The following ADCY5 variants were observed in gnomAD, a reference collection of about 807,000 sequenced individuals.
ADCY5 encodes the protein adenylate cyclase type 5.
In ADCY5, 30 loss-of-function variants were observed where a neutral mutation model predicts 119.7. The observed-to-expected ratio is 0.25, with a 90% CI of 0.19 to 0.34. The LOEUF (loss-of-function observed/expected upper bound fraction) is 0.34, where lower values mean the gene tolerates loss of function less well. ADCY5 is among the 10% of genes least tolerant of loss of function. The pLI, the probability that ADCY5 is intolerant of heterozygous loss-of-function variation, is 1.00. For missense variants in ADCY5, 1,324 were observed against 1,775.2 expected, an observed-to-expected ratio of 0.75 and a Z score of 4.57; for synonymous variants, 753 against 762.2, an observed-to-expected ratio of 0.99 and a Z score of 0.20.
intron 3 of ADCY5, among the ~76,000 whole-genome samples, chr3:123,345,769 G>GACACACAGACACACACACAC (rs1553731376): frequency 0.036 from 4,069 of 113,520 alleles, 165 homozygotes; most frequent in Admixed American, 0.071. Flanking sequence ...CAGACAGACA[G>GACACACAGACACACACACAC]ACACACACAC....
intron 2 of ADCY5, 133 bp from the exon 3 acceptor site, chr3:123,348,036 A>AGAGTGTGTGTGTGTGTGTGT (rs1553732238): frequency 2.3e-6 from 1 of 428,724 alleles, no homozygotes; most frequent in South Asian, 2.5e-5. Flanking sequence ...CTGGGTTAAC[A>AGAGTGTGTGTGTGTGTGTGT]GTGTGTGTGT....
chr3:123,344,722 A>C (rs1703811836), intron 3 of ADCY5, among the ~76,000 whole-genome samples: 1 of 152,066 alleles, frequency 6.6e-6, no homozygotes, highest in Non-Finnish European at 1.5e-5. Flanking sequence ...CTACTTAACC[A>C]CCAACCCAAG....
At chr3:123,313,620 C>A (rs1940710452) in intron 12 of ADCY5, among the ~76,000 whole-genome samples, 1 of 152,154 alleles carries the variant, frequency 6.6e-6, no homozygotes. Flanking sequence ...TGACCCAGAG[C>A]CAGGTCGCAT....
At chr3:123,326,144 G>C (rs1301843880) in intron 7 of ADCY5, among the ~76,000 whole-genome samples, 1 of 152,238 alleles carries the variant, frequency 6.6e-6, no homozygotes, top group Non-Finnish European at 1.5e-5. Flanking sequence ...CTACAACAGA[G>C]AGGGCACTAG....
intron 1 of ADCY5, among the ~76,000 whole-genome samples, chr3:123,354,351 A>G (rs1170656153): frequency 1.3e-5 from 2 of 152,216 alleles, no homozygotes; most frequent in Non-Finnish European, 1.5e-5. Context: ...CAGAAGCCCA[A>G]AGCATGAGGG....
intron 20 of ADCY5, among the ~76,000 whole-genome samples, chr3:123,285,220 T>C (rs1239434366): frequency 1.3e-5 from 2 of 152,212 alleles, no homozygotes; most frequent in Non-Finnish European, 2.9e-5. Flanking sequence ...CCTTTGCTTA[T>C]CTCACTGCAT....
chr3:123,294,872 G>A (rs1040523420), intron 17 of ADCY5, among the ~76,000 whole-genome samples: 1 of 152,200 alleles, frequency 6.6e-6, no homozygotes, highest in African/African-American at 2.4e-5. Context: ...TATGGCGGTG[G>A]GTGATAGAGC....
intron 1 of ADCY5, among the ~76,000 whole-genome samples, chr3:123,406,094 C>T (rs992181780): frequency 1.3e-5 from 2 of 152,204 alleles, no homozygotes; most frequent in African/African-American, 4.8e-5. Flanking sequence ...AGGCCATACT[C>T]CCAACCACCT....
intron 1 of ADCY5, among the ~76,000 whole-genome samples, chr3:123,395,312 C>G (rs1250013391): frequency 6.6e-6 from 1 of 152,214 alleles, no homozygotes; most frequent in African/African-American, 2.4e-5. Flanking sequence ...TCTACCTCCT[C>G]TCCCCTAAAC....
chr3:123,430,504 G>A (rs1003146746), intron 1 of ADCY5, among the ~76,000 whole-genome samples: 7 of 152,230 alleles, frequency 4.6e-5, no homozygotes, highest in Non-Finnish European at 8.8e-5. Flanking sequence ...CCCCACAGGC[G>A]TCAGGTGGGA....
Position 123,439,076 on chromosome 3 carries a change from C to CTTTTTTT in ADCY5, c.1134+8329_1134+8335dup, listed in dbSNP as rs57503913. ...CCCACTGTGCCCAGACCCTAAAGTG[C>CTTTTTTT]TTTTTTTTTTGAGATGGAGTCTCGC... On this transcript the variant is annotated intron_variant, in intron 1 of 20. Transcript: ENST00000462833. 6.2e-5 allele frequency among the ~76,000 whole-genome samples: 4 copies of CTTTTTTT among 64,728 alleles called. 1 individual carries two copies. Among genetic ancestry groups the CTTTTTTT allele is most frequent in the African/African-American group, 1.9e-4 (3 of 15,410 alleles). 42.5% of individuals were successfully genotyped at this position (64,728 alleles called of 152,430 possible).
intron 1 of ADCY5, chr3:123,419,219 ACAGT>A: frequency 1.0e-6 from 1 of 985,358 alleles, no homozygotes; most frequent in Non-Finnish European, 1.2e-6. Context: ...TGACGAGCAC[ACAGT>A]CAGGTGGCAC....
Position 123,328,775 on chromosome 3 carries a change from G to A in ADCY5, c.1674C>T (p.Asn558=), listed in dbSNP as rs142787772. 2.3e-4 allele frequency: 369 copies of A among 1,614,218 alleles called. 2 individuals carry two copies. The East Asian group carries it at 7.4e-3, about 32-fold the overall frequency. The change falls in exon 6 of 21, where the codon AAC becomes AAT. Residue 558 remains asparagine (N), a synonymous_variant. Coordinates refer to ENST00000462833, the MANE Select transcript of ADCY5 (RefSeq NM_183357.3). ...ISLVREVTGV[N]VNMRVGIHSG... ...TGTGAATTCCCACACGCATGTTCAC[G>A]TTCACCCCTGTCACCTCCCGGACCA... is the stretch of plus-strand genomic sequence containing the variant.
chr3:123,426,371 T>A (rs1409125382), intron 1 of ADCY5, among the ~76,000 whole-genome samples: 1 of 151,076 alleles, frequency 6.6e-6, no homozygotes, highest in East Asian at 1.9e-4. Context: ...TCACCCAGGC[T>A]GGAGTGCAGT....
chr3:123,376,887 T>C (rs2107546741), intron 1 of ADCY5, among the ~76,000 whole-genome samples: 1 of 152,344 alleles, frequency 6.6e-6, no homozygotes, highest in East Asian at 1.9e-4. Flanking sequence ...TTCCAAGAAC[T>C]AGGTTTTGTA....
intron 1 of ADCY5, among the ~76,000 whole-genome samples, chr3:123,403,108 G>A (rs531270263): frequency 6.6e-5 from 10 of 152,188 alleles, no homozygotes; most frequent in East Asian, 1.9e-4. Flanking sequence ...GGCCAGACAC[G>A]GTGGCTCACG....
intron 2 of ADCY5, among the ~76,000 whole-genome samples, chr3:123,351,392 G>C (rs1942831460): frequency 6.6e-6 from 1 of 152,306 alleles, no homozygotes; most frequent in African/African-American, 2.4e-5. Flanking sequence ...TGCCATCTTG[G>C]CCATTTCTCC....
rs564012198 is a variant in ADCY5, at chr3:123,291,909, C to T, written c.3064-533G>A. On this transcript the variant is annotated intron_variant, in intron 17 of 20. Transcript: ENST00000462833. ...TCTGTCTCCCAGGAGGGCAGACTTG[C>T]CCCAGAGCCAGATGCAGCCAGGAGG... 2.0e-5 allele frequency among the ~76,000 whole-genome samples: 3 copies of T among 152,306 alleles called. No individual in the cohort carries two copies. The South Asian group carries it at 6.2e-4, about 32-fold the overall frequency.
intron 20 of ADCY5, among the ~76,000 whole-genome samples, chr3:123,285,975 A>G (rs1210537706): frequency 1.3e-5 from 2 of 152,220 alleles, no homozygotes; most frequent in Non-Finnish European, 2.9e-5. Flanking sequence ...AAAAGGCCTT[A>G]AAAGCAGCAC....
Sources: gnomAD v4.1 joint callset for allele counts (sites outside exome capture counted in the v4.1 genomes callset) on GRCh38, gnomAD v4.1.1 for gene constraint, MANE v1.5 for transcripts, NCBI Gene and HGNC (gene_info 2026-07-23, HGNC 2026-07-21) for gene names.